The following SCFD1 variants were observed in gnomAD, a reference collection of about 807,000 sequenced individuals.
SCFD1 encodes the protein sec1 family domain-containing protein 1.
A neutral mutation model predicts 103.2 loss-of-function variants in SCFD1; 37 were observed. The ratio of observed to expected loss-of-function variants is 0.36; its 90% CI spans 0.28 to 0.47. SCFD1 has a LOEUF of 0.47. Ranked by LOEUF, SCFD1 falls within the 20% of genes least tolerant of loss-of-function variation. The pLI is 1.00. For synonymous variants in SCFD1, 264 were observed against 245.0 expected, an observed-to-expected ratio of 1.08 and a Z score of -0.73; for missense variants, 639 against 761.2, an observed-to-expected ratio of 0.84 and a Z score of 1.89.
In SCFD1 at chr14:30,653,473, ATATGTATATT is replaced by A; in HGVS notation, c.756-13_756-4del. The A allele has an allele frequency of 1.3e-6, 2 of 1,535,874 alleles. No homozygotes were observed. Among genetic ancestry groups the A allele is most frequent in the Non-Finnish European group, 1.8e-6 (2 of 1,113,684 alleles). On this transcript the variant is annotated splice_region_variant and splice_polypyrimidine_tract_variant and intron_variant, in intron 9 of 24. Transcript: ENST00000458591. ...GTATCAAGAGTTATGTAATTTTTTT[ATATGTATATT>A]TACAGCTTCCAGAGGCCCTTATTAG... is the stretch of plus-strand genomic sequence containing the variant.
At chr14:30,706,851 G>A (rs1891500178) in intron 18 of SCFD1, among the ~76,000 whole-genome samples, 1 of 152,138 alleles carries the variant, frequency 6.6e-6, no homozygotes, top group Non-Finnish European at 1.5e-5. Flanking sequence ...AAAAACAAAA[G>A]CACTCAGCCT....
chr14:30,622,513 A>G, intron 1 of SCFD1, 114 bp downstream of exon 1: 1 of 1,442,884 alleles, frequency 6.9e-7, no homozygotes, highest in South Asian at 1.4e-5. Flanking sequence ...AGTCCCTAGA[A>G]CATCAAGAGC....
intron 10 of SCFD1, among the ~76,000 whole-genome samples, chr14:30,666,164 T>A (rs1248424291): frequency 1.3e-5 from 2 of 152,110 alleles, no homozygotes; most frequent in African/African-American, 4.8e-5. Flanking sequence ...AGTAAAGCAC[T>A]CCTCAGCAAA....
intron 18 of SCFD1, 25 bp from the exon 19 acceptor site, chr14:30,707,965 G>A: frequency 6.5e-7 from 1 of 1,527,824 alleles, no homozygotes; most frequent in South Asian, 1.1e-5. Flanking sequence ...ACTTAGAATG[G>A]TCCTTCTCTT....
At chr14:30,673,481 CG>C in intron 12 of SCFD1, 134 bp downstream of exon 12, 3 of 473,130 alleles carry the variant, frequency 6.3e-6, no homozygotes, top group Non-Finnish European at 7.7e-6. Context: ...TTTCAACTTG[CG>C]TAAGTGATCA....
intron 10 of SCFD1, chr14:30,658,222 C>A: frequency 2.8e-6 from 1 of 363,326 alleles, no homozygotes; most frequent in South Asian, 2.2e-5. Flanking sequence ...CCCTCTGCTA[C>A]TGACTCTTAT....
At chr14:30,723,578 T>C (rs1358358502) in intron 23 of SCFD1, among the ~76,000 whole-genome samples, 1 of 152,146 alleles carries the variant, frequency 6.6e-6, no homozygotes, top group African/African-American at 2.4e-5. Context: ...CCCCAGTCTG[T>C]GTTGTTCCCC....
chr14:30,708,340 C>T (rs1457923364), intron 19 of SCFD1, among the ~76,000 whole-genome samples: 6 of 152,048 alleles, frequency 3.9e-5, no homozygotes, highest in Non-Finnish European at 5.9e-5. Flanking sequence ...ATTGCTCTCC[C>T]GGCCTCCTAC....
intron 10 of SCFD1, among the ~76,000 whole-genome samples, chr14:30,654,392 A>G (rs1227235059): frequency 6.6e-6 from 1 of 152,220 alleles, no homozygotes; most frequent in African/African-American, 2.4e-5. Context: ...AGGGAATGAA[A>G]GCTGAGTGTA....
At chr14:30,707,416 G>A (rs760255584) in intron 18 of SCFD1, among the ~76,000 whole-genome samples, 4 of 152,124 alleles carry the variant, frequency 2.6e-5, no homozygotes, top group African/African-American at 4.8e-5. Context: ...GGCAAAATTC[G>A]CTAAGTCTGT....
At chr14:30,628,557 T>C (rs1883767326) in intron 2 of SCFD1, among the ~76,000 whole-genome samples, 1 of 152,198 alleles carries the variant, frequency 6.6e-6, no homozygotes, top group African/African-American at 2.4e-5. Flanking sequence ...TTTTGTTCCT[T>C]AGCTTTTCAA....
chr14:30,650,673 T>G lies in SCFD1; in HGVS notation c.755+23T>G, dbSNP rs982553125. 3.1e-6 allele frequency: 4 copies of G among 1,270,954 alleles called. No homozygotes were observed. In the African/African-American group the frequency reaches 6.0e-5, roughly 19 times the overall value. The allele number at this position is 1,270,954 out of a possible 1,614,324, so 78.7% of individuals were successfully genotyped here. A position where few individuals can be genotyped will look rare whatever the true frequency, so the allele number is the denominator to read the frequency against. The stretch of plus-strand genomic sequence containing the variant: ...CAGGTATTACTGTTATTAAATACAC[T>G]TGTAAGACTTTAAAATATTTGTAGA... On this transcript the variant is annotated intron_variant, in intron 9 of 24. Transcript: ENST00000458591.
At position 30,652,636 on chromosome 14, in the gene SCFD1, C is replaced by G. The variant is rs530212495; in HGVS notation, c.756-853C>G. On this transcript the variant is annotated intron_variant, in intron 9 of 24. Transcript: ENST00000458591. Reference sequence around the variant, plus strand: ...CCTTTTTTTACAGAAACATCAAAAACTTCTGAGTAGAAGCAGCTTATTATT... The same window carrying G: ...CCTTTTTTTACAGAAACATCAAAAAGTTCTGAGTAGAAGCAGCTTATTATT... Among the ~76,000 whole-genome samples the G allele has an allele frequency of 9.9e-4, 150 of 152,262 alleles. 1 individual carries two copies. Among genetic ancestry groups the G allele is most frequent in the Middle Eastern group, 3.4e-3 (1 of 294 alleles).
intron 6 of SCFD1, among the ~76,000 whole-genome samples, chr14:30,641,456 C>G (rs928740759): frequency 6.6e-6 from 1 of 152,096 alleles, no homozygotes. Context: ...ATATAGGACT[C>G]AAGGGCTGGA....
At chr14:30,635,184 A>T (rs947290771) in intron 4 of SCFD1, 10 of 344,368 alleles carry the variant, frequency 2.9e-5, no homozygotes, top group African/African-American at 1.7e-4. Context: ...CGTAAACTCA[A>T]GTATGCTATT....
intron 23 of SCFD1, among the ~76,000 whole-genome samples, chr14:30,730,307 C>G (rs1016627050): frequency 6.6e-6 from 1 of 151,670 alleles, no homozygotes; most frequent in Non-Finnish European, 1.5e-5. Context: ...TGAATAGTGC[C>G]GCAATAAACA....
intron 23 of SCFD1, 26 bp from the exon 24 acceptor site, chr14:30,734,764 C>CTAAGT (rs1555362964): frequency 6.4e-7 from 1 of 1,563,212 alleles, no homozygotes; most frequent in African/African-American, 1.4e-5. Flanking sequence ...TTACTTGTAT[C>CTAAGT]TAAGTTCTGA....
chr14:30,714,045 A>AAACT (rs1477902209), intron 19 of SCFD1, among the ~76,000 whole-genome samples: 1 of 152,152 alleles, frequency 6.6e-6, no homozygotes, highest in African/African-American at 2.4e-5. Flanking sequence ...ATTTGAAACA[A>AAACT]AACTTAAAAG....
intron 10 of SCFD1, among the ~76,000 whole-genome samples, chr14:30,668,445 C>T (rs1334681744): frequency 1.3e-5 from 2 of 152,008 alleles, no homozygotes; most frequent in African/African-American, 4.8e-5. Flanking sequence ...CCATAAAAAC[C>T]CTAGAAGAAA....
Sources: gnomAD v4.1 joint callset for allele counts (sites outside exome capture counted in the v4.1 genomes callset) on GRCh38, gnomAD v4.1.1 for gene constraint, MANE v1.5 for transcripts, NCBI Gene and HGNC (gene_info 2026-07-23, HGNC 2026-07-21) for gene names.